ALK: variants seen among roughly 807,000 people sequenced by gnomAD.
ALK encodes ALK tyrosine kinase receptor.
Under a neutral mutation model 163.1 loss-of-function variants are expected in ALK, and 74 were observed. That is an observed-to-expected ratio of 0.45 (90% CI 0.38 to 0.55). The LOEUF is 0.55. ALK is among the 20% of genes least tolerant of loss of function. ALK has a pLI of 0.00. For synonymous variants in ALK, 960 were observed against 843.2 expected, an observed-to-expected ratio of 1.14 and a Z score of -2.40; for missense variants, 2,063 against 2,105.3, an observed-to-expected ratio of 0.98 and a Z score of 0.39.
At position 29,227,503 on chromosome 2, in the gene ALK, ACT is replaced by A; in HGVS notation, c.2914+69_2914+70del. ...TCTGTATCCTGGATACAGGTCAGAG[ACT>A]CTGAGGTTTTAGCTTGGTGGGAGGA... On this transcript the variant is annotated intron_variant, in intron 17 of 28. Transcript: ENST00000389048. The surrounding 1 kb of genome is among the most constrained non-coding windows in gnomAD (Gnocchi z 4.4). 1 of 1,296,508 alleles carries A rather than the reference ACT, an allele frequency of 7.7e-7. No individual in the cohort carries two copies. Among genetic ancestry groups the A allele is most frequent in the Non-Finnish European group, 1.1e-6 (1 of 890,298 alleles). 80.3% of individuals were successfully genotyped at this position (1,296,508 alleles called of 1,614,324 possible). A position where few individuals can be genotyped will look rare whatever the true frequency, so the allele number is the denominator to read the frequency against.
chr2:29,906,902 CCCCACA>C (rs1667563616), intron 1 of ALK, among the ~76,000 whole-genome samples: 2 of 149,788 alleles, frequency 1.3e-5, no homozygotes, highest in African/African-American at 4.9e-5. Flanking sequence ...AAATAGTGAT[CCCCACA>C]TCCCCAGAAA....
At position 29,318,347 on chromosome 2, in the gene ALK, G is replaced by T; in HGVS notation, c.1604C>A (p.Thr535Asn). 13 of 1,614,048 alleles carry T rather than the reference G, an allele frequency of 8.1e-6. No homozygotes were observed. The highest frequency in any genetic ancestry group is 1.1e-5 in the Non-Finnish European group (13 of 1,179,938). The change falls in exon 8 of 29, where the codon ACC (threonine) becomes AAC (asparagine). Residue 535 changes from threonine (T) to asparagine (N), a missense_variant. Around this residue, in one of 5 missense-constraint regions of ALK, gnomAD observed 987 missense variants for 939.5 expected, o/e 1.05. Coordinates refer to ENST00000389048, the MANE Select transcript of ALK (RefSeq NM_004304.5). ...GATCGGTGCAGGAAACGTAGCACTG[G>T]TCACTGTAGCACTTTCAGAAGCGGG... ...DVPASESATV[T>N]SATFPAPIKS... is the part of the protein sequence containing the mutation.
chr2:29,748,085 G>A (rs944812016), intron 1 of ALK, among the ~76,000 whole-genome samples: 11 of 152,080 alleles, frequency 7.2e-5, no homozygotes, highest in African/African-American at 2.4e-4. Context: ...TTGGAAGGGC[G>A]GTCAAGTGGA....
At chr2:29,462,247 C>T (rs960577205) in intron 4 of ALK, among the ~76,000 whole-genome samples, 2 of 152,138 alleles carry the variant, frequency 1.3e-5, no homozygotes, top group African/African-American at 4.8e-5. Context: ...TAAAATATTT[C>T]ATAAACTTAG....
chr2:29,394,869 G>A (rs1282257339), intron 4 of ALK, among the ~76,000 whole-genome samples: 1 of 151,852 alleles, frequency 6.6e-6, no homozygotes, highest in African/African-American at 2.4e-5. Flanking sequence ...CAATGCAGTA[G>A]GTTTTTTTTT....
intron 1 of ALK, chr2:29,892,167 G>C (rs1667163469): frequency 6.6e-6 from 1 of 152,220 alleles, no homozygotes; most frequent in African/African-American, 2.4e-5. Flanking sequence ...AATGTGTGCA[G>C]AAGGGGCAAT....
intron 4 of ALK, among the ~76,000 whole-genome samples, chr2:29,425,890 G>C (rs1670123792): frequency 2.0e-5 from 3 of 152,196 alleles, no homozygotes; most frequent in Admixed American, 2.0e-4. Context: ...AAGCTAAACA[G>C]TTGGTTAGCT....
At chr2:29,316,869 G>C (rs1031814875) in intron 8 of ALK, among the ~76,000 whole-genome samples, 5 of 152,202 alleles carry the variant, frequency 3.3e-5, no homozygotes, top group African/African-American at 1.2e-4. Flanking sequence ...GCATAGCCTA[G>C]AAGAGGGTGA....
chr2:29,747,469 C>T (rs1021462078), intron 1 of ALK, among the ~76,000 whole-genome samples: 1 of 152,132 alleles, frequency 6.6e-6, no homozygotes, highest in Non-Finnish European at 1.5e-5. Flanking sequence ...CAGGATACAT[C>T]GGTTTTGGAG....
intron 4 of ALK, among the ~76,000 whole-genome samples, chr2:29,408,967 G>A (rs935383173): frequency 2.6e-5 from 4 of 152,186 alleles, no homozygotes; most frequent in Non-Finnish European, 5.9e-5. Context: ...TCTAGGGGCT[G>A]ATTTATTTCC....
At chr2:29,633,392 A>G (rs981923184) in intron 3 of ALK, among the ~76,000 whole-genome samples, 3 of 152,186 alleles carry the variant, frequency 2.0e-5, no homozygotes, top group Non-Finnish European at 4.4e-5. Context: ...GAACTAGATT[A>G]AAATCGAAAT....
rs569363324 is a variant in ALK, at chr2:29,235,856, CTTTTTTTT to C, written c.2356-2168_2356-2161del. ...TACAGGCACAAGCTACCAGGCTCGA[CTTTTTTTT>C]TTTTTTTTTTTTTTTTTTTTTTTTT... On this transcript the variant is annotated intron_variant, in intron 13 of 28. Coordinates refer to ENST00000389048, the MANE Select transcript of ALK (RefSeq NM_004304.5). Among the ~76,000 whole-genome samples the C allele has an allele frequency of 7.0e-3, 267 of 38,280 alleles. 3 individuals carry two copies. The highest frequency in any genetic ancestry group is 0.02 in the African/African-American group (231 of 11,722). The allele number at this position is 38,280 out of a possible 152,430, so 25.1% of individuals were successfully genotyped here.
At chr2:29,610,379 G>T (rs1456644776) in intron 3 of ALK, among the ~76,000 whole-genome samples, 1 of 152,018 alleles carries the variant, frequency 6.6e-6, no homozygotes, top group Non-Finnish European at 1.5e-5. Context: ...TTATAATAAT[G>T]GCTCCAAGAA....
intron 24 of ALK, among the ~76,000 whole-genome samples, chr2:29,211,050 G>GT (rs1220748550): frequency 6.6e-6 from 1 of 152,182 alleles, no homozygotes; most frequent in African/African-American, 2.4e-5. Context: ...TGTTCAACTG[G>GT]TTTCATGATG....
intron 25 of ALK, among the ~76,000 whole-genome samples, chr2:29,208,749 T>C (rs1218773051): frequency 6.6e-6 from 1 of 152,048 alleles, no homozygotes; most frequent in East Asian, 1.9e-4. Flanking sequence ...TGCTCCTCTC[T>C]CTACCCCTGT....
In ALK at chr2:29,223,363, C is replaced by T. The variant is rs199987354; in HGVS notation, c.3338G>A (p.Arg1113Gln). The change falls in exon 20 of 29, where the codon CGG (arginine) becomes CAG (glutamine). Residue 1113 changes from arginine (R) to glutamine (Q), a missense_variant. Around this residue, in one of 5 missense-constraint regions of ALK, gnomAD observed 575 missense variants for 626.6 expected, o/e 0.92. Transcript: ENST00000389048. ...SSISDLKEVP[R>Q]KNITLIRGLG... The stretch of plus-strand genomic sequence containing the variant: ...TCACCGAATGAGGGTGATGTTTTTC[C>T]GCGGCACCTCCTTCAGGTCACTGAT... 59 of 1,614,042 alleles carry T rather than the reference C, an allele frequency of 3.7e-5. No individual in the cohort carries two copies. The highest frequency in any genetic ancestry group is 1.8e-5 in the Non-Finnish European group (21 of 1,180,036).
At chr2:29,272,650 G>A (rs188218184) in intron 11 of ALK, among the ~76,000 whole-genome samples, 2 of 152,294 alleles carry the variant, frequency 1.3e-5, no homozygotes, top group Admixed American at 6.5e-5. Flanking sequence ...CAACCACCTC[G>A]TTCCAGCCCA....
At chr2:29,332,867 A>G (rs1366370058) in intron 5 of ALK, among the ~76,000 whole-genome samples, 1 of 152,240 alleles carries the variant, frequency 6.6e-6, no homozygotes, top group South Asian at 2.1e-4. Flanking sequence ...CATAGGATAG[A>G]TTCCCAGAAG....
intron 3 of ALK, among the ~76,000 whole-genome samples, chr2:29,650,297 C>T (rs1023211205): frequency 2.6e-5 from 4 of 152,164 alleles, no homozygotes; most frequent in Non-Finnish European, 4.4e-5. Flanking sequence ...GTAGGGGCTG[C>T]CAGTCAGTAG....
Sources: allele counts gnomAD v4.1 joint callset (sites outside exome capture counted in the v4.1 genomes callset), GRCh38; gene constraint gnomAD v4.1.1; regional missense constraint gnomAD v4.1.1; non-coding constraint Gnocchi (gnomAD v3.1); transcripts MANE v1.5; gene names NCBI Gene and HGNC (gene_info 2026-07-23, HGNC 2026-07-21).